The following PCCA variants were observed in gnomAD, a reference collection of about 807,000 sequenced individuals.
PCCA encodes the protein propionyl-CoA carboxylase alpha chain, mitochondrial.
PCCA carries 74 observed loss-of-function variants against 101.3 expected under a neutral mutation model. The observed-to-expected ratio is 0.73, with a 90% confidence interval of 0.61 to 0.89. PCCA has a LOEUF of 0.89. Ranked by LOEUF, PCCA falls within the 40% of genes least tolerant of loss-of-function variation. PCCA has a pLI of 0.00. For missense variants in PCCA, 891 were observed against 907.0 expected (o/e 0.98, Z 0.23); for synonymous variants, 294 against 313.6 (o/e 0.94, Z 0.66).
intron 19 of PCCA, among the ~76,000 whole-genome samples, chr13:100,424,330 C>T (rs1270266694): frequency 6.6e-6 from 1 of 152,062 alleles, no homozygotes; most frequent in African/African-American, 2.4e-5. Flanking sequence ...GCTCCTGGAA[C>T]CCGCCTCCCA....
intron 19 of PCCA, among the ~76,000 whole-genome samples, chr13:100,402,518 C>T (rs1219090825): frequency 1.3e-5 from 2 of 152,138 alleles, no homozygotes; most frequent in African/African-American, 4.8e-5. Flanking sequence ...GATCAGGGCA[C>T]TGTGCTGAGT....
At chr13:100,421,975 G>A (rs2078794574) in intron 19 of PCCA, among the ~76,000 whole-genome samples, 2 of 149,844 alleles carry the variant, frequency 1.3e-5, no homozygotes, top group Non-Finnish European at 1.5e-5. Context: ...GTGAGCCACT[G>A]CACCCAACCC....
intron 10 of PCCA, 67 bp downstream of exon 10, chr13:100,262,898 A>G (rs2062627723): frequency 1.3e-6 from 1 of 749,924 alleles, no homozygotes; most frequent in Non-Finnish European, 2.4e-6. Context: ...TATTGGAATT[A>G]TCTTTTCTTC....
chr13:100,523,333 G>C (rs889052899), intron 22 of PCCA, among the ~76,000 whole-genome samples: 9 of 152,168 alleles, frequency 5.9e-5, no homozygotes, highest in African/African-American at 2.2e-4. Flanking sequence ...AATGGAACTT[G>C]ATAGATTTCC....
chr13:100,509,826 T>TTTTTGTTTTGTTTTGTTTTG (rs60985069), intron 21 of PCCA, among the ~76,000 whole-genome samples: 3,381 of 149,540 alleles, frequency 0.023, 62 homozygotes, highest in Non-Finnish European at 0.035. Context: ...TTTTGTGTTT[T>TTTTTGTTTTGTTTTGTTTTG]TTTTGTTTTG....
rs1051378217 is a variant in PCCA, at chr13:100,111,721, G to C, written c.184-120G>C. 2.8e-4 allele frequency: 189 copies of C among 674,466 alleles called. 1 individual carries two copies. Among genetic ancestry groups the C allele is most frequent in the Non-Finnish European group, 3.8e-5 (14 of 372,336 alleles). The allele number at this position is 674,466 out of a possible 1,614,324, so 41.8% of individuals were successfully genotyped here. ...AATATAGTATTTAATGTTACTCTAG[G>C]AAGTAATGTTTATTAGGGTTATATT... On this transcript the variant is annotated intron_variant, in intron 2 of 23. Transcript: ENST00000376285.
intron 18 of PCCA, among the ~76,000 whole-genome samples, chr13:100,354,812 G>A (rs1227682679): frequency 2.6e-5 from 4 of 152,226 alleles, no homozygotes; most frequent in South Asian, 2.1e-4. Flanking sequence ...TAGGAAATCC[G>A]AATAGACTTA....
In PCCA at chr13:100,102,979, T is replaced by C. The variant is rs780105316; in HGVS notation, c.183+19T>C. 81 of 1,455,208 alleles carry C rather than the reference T, an allele frequency of 5.6e-5. No homozygotes were observed. Among genetic ancestry groups the C allele is most frequent in the Non-Finnish European group, 7.6e-5 (79 of 1,035,758 alleles). The allele number at this position is 1,455,208 out of a possible 1,614,324, so 90.1% of individuals were successfully genotyped here. ...TGAAAAAGTAAGTATTTAAAAGATATTCTCAACAACTAAATTAAACTTATC... is the reference window on the plus strand; with the variant it reads ...TGAAAAAGTAAGTATTTAAAAGATACTCTCAACAACTAAATTAAACTTATC... On this transcript the variant is annotated intron_variant, in intron 2 of 23. Coordinates refer to ENST00000376285, the MANE Select transcript of PCCA (RefSeq NM_000282.4).
chr13:100,144,564 A>G (rs1594346401), intron 4 of PCCA, among the ~76,000 whole-genome samples: 1 of 152,228 alleles, frequency 6.6e-6, no homozygotes, highest in Non-Finnish European at 1.5e-5. Context: ...GTTTTAACTG[A>G]TTAATTGTAG....
In PCCA at chr13:100,449,267, G is replaced by A. The variant is rs979064562; in HGVS notation, c.1861G>A (p.Ala621Thr). 4 of 1,540,314 alleles carry A rather than the reference G, an allele frequency of 2.6e-6. No individual in the cohort carries two copies. The highest frequency in any genetic ancestry group is 2.6e-6 in the Non-Finnish European group (3 of 1,137,058). Residue 621 changes from alanine (A) to threonine (T), a missense_variant, in exon 21 of 24, where the codon GCA becomes ACA. Transcript: ENST00000376285. The stretch of plus-strand genomic sequence containing the variant: ...TGTTTTTTAGTGTCTTTCTCGAGAA[G>A]CAGGTGGAAACATGAGCATTCAGTT... ...QRTVQCLSRE[A>T]GGNMSIQFLG...
chr13:100,421,736 G>A (rs2078774639), intron 19 of PCCA, among the ~76,000 whole-genome samples: 1 of 152,076 alleles, frequency 6.6e-6, no homozygotes, highest in African/African-American at 2.4e-5. Context: ...GCAGGCTGGA[G>A]TGTGGTGGCG....
rs562050331 is a variant in PCCA at position 100,162,936 on chromosome 13, A to G, written c.468+5596A>G. ...GATAAGAACTAATGAATGCAACTTC[A>G]TAAAACCCTTATTATGACAGAATAT... On this transcript the variant is annotated intron_variant, in intron 6 of 23. Transcript: ENST00000376285. Among the ~76,000 whole-genome samples the G allele has an allele frequency of 2.4e-4, 37 of 152,364 alleles. 1 individual carries two copies. The highest frequency in any genetic ancestry group is 8.4e-4 in the African/African-American group (35 of 41,592).
chr13:100,273,133 T>C, intron 11 of PCCA, 63 bp from the exon 12 acceptor site: 7 of 1,217,266 alleles, frequency 5.8e-6, no homozygotes, highest in Non-Finnish European at 8.5e-6. Flanking sequence ...GTTTATGTAA[T>C]GCACACAAAA....
At chr13:100,342,577 C>T (rs1371451929) in intron 18 of PCCA, among the ~76,000 whole-genome samples, 1 of 151,754 alleles carries the variant, frequency 6.6e-6, no homozygotes, top group East Asian at 2.0e-4. Context: ...CTTACCTGTA[C>T]AGTTTTAACA....
chr13:100,375,231 A>C (rs1426221560), intron 19 of PCCA, among the ~76,000 whole-genome samples: 1 of 152,064 alleles, frequency 6.6e-6, no homozygotes, highest in East Asian at 1.9e-4. Context: ...GGTCTGAGAG[A>C]CTGTTTGTTA....
At chr13:100,263,875 A>T (rs2062710013) in intron 10 of PCCA, among the ~76,000 whole-genome samples, 1 of 151,140 alleles carries the variant, frequency 6.6e-6, no homozygotes, top group African/African-American at 2.4e-5. Context: ...TATATCGTAT[A>T]TATATGGTAT....
intron 4 of PCCA, among the ~76,000 whole-genome samples, chr13:100,117,739 T>C (rs557851409): frequency 5.3e-5 from 8 of 152,062 alleles, no homozygotes; most frequent in Non-Finnish European, 1.2e-4. Context: ...AACCTGCACG[T>C]TGTGCACATG....
intron 1 of PCCA, among the ~76,000 whole-genome samples, chr13:100,102,014 C>G (rs1481391394): frequency 6.6e-6 from 1 of 152,148 alleles, no homozygotes; most frequent in African/African-American, 2.4e-5. Context: ...GAGGTGGTAC[C>G]TGTTGGTTGC....
chr13:100,111,963 A>G (rs1566492191), intron 3 of PCCA, 30 bp from the exon 4 acceptor site: 2 of 1,566,558 alleles, frequency 1.3e-6, no homozygotes, highest in South Asian at 2.2e-5. Context: ...GTGAATCACT[A>G]TTAATAGACA....
Sources: gnomAD v4.1 joint callset for allele counts (sites outside exome capture counted in the v4.1 genomes callset) on GRCh38, gnomAD v4.1.1 for gene constraint, MANE v1.5 for transcripts, NCBI Gene and HGNC (gene_info 2026-07-23, HGNC 2026-07-21) for gene names.